BRWD3: variants seen among roughly 807,000 people sequenced by gnomAD.
BRWD3 encodes bromodomain and WD repeat-containing protein 3.
BRWD3 carries 10 observed loss-of-function variants against 149.7 expected under a neutral mutation model. The ratio of observed to expected loss-of-function variants is 0.07; its 90% CI spans 0.04 to 0.11. The LOEUF is 0.11. Among genes scored for constraint, BRWD3 ranks in the 10% least tolerant of loss-of-function variants. The pLI is 1.00. For synonymous variants in BRWD3, 504 were observed against 456.7 expected (o/e 1.10, Z -1.32); for missense variants, 940 against 1,373.2 (o/e 0.68, Z 4.99).
At chrX:80,756,986 T>TAC (rs2073748248) in intron 6 of BRWD3, among the ~76,000 whole-genome samples, 1 of 111,703 alleles carries the variant, frequency 9.0e-6, no homozygotes, top group Admixed American at 9.5e-5. Context: ...ACTTCCCCTG[T>TAC]AAGTAGAATG....
rs187564437 is a variant in BRWD3 at position 80,746,246 on chromosome X, T to C, written c.431-517A>G. On this transcript the variant is annotated intron_variant, in intron 6 of 40. Transcript: ENST00000373275. ...AGTGAAAAGATAAGGAAATCTATGA[T>C]GTTACAAATATTTTATGTTACAAAC... Among the ~76,000 whole-genome samples, 6 of 110,726 alleles carry C rather than the reference T, an allele frequency of 5.4e-5. No individual in the cohort carries two copies. The East Asian group carries it at 1.4e-3, about 26-fold the overall frequency.
At position 80,692,840 on chromosome X, in the gene BRWD3, A is replaced by G. The variant is rs1460175541; in HGVS notation, c.3263+100T>C. The stretch of plus-strand genomic sequence containing the variant: ...ACAGGTACAGGTATTGTGAGACTAG[A>G]TAAGTCAGATAAAAGGGCATTACTC... On this transcript the variant is annotated intron_variant, in intron 28 of 40. Coordinates refer to ENST00000373275, the MANE Select transcript of BRWD3 (RefSeq NM_153252.5). 20 of 642,853 alleles carry G rather than the reference A, an allele frequency of 3.1e-5. No homozygotes were observed. The Admixed American group carries it at 3.5e-4, about 11-fold the overall frequency. The allele number at this position is 642,853 out of a possible 1,213,427, so 53.0% of individuals were successfully genotyped here. A position where few individuals can be genotyped will look rare whatever the true frequency, so the allele number is the denominator to read the frequency against.
At chrX:80,786,516 CTA>C (rs774404451) in intron 6 of BRWD3, among the ~76,000 whole-genome samples, 8,909 of 104,380 alleles carry the variant, frequency 0.085, 360 homozygotes, top group South Asian at 0.18. Context: ...TTTAATTTGC[CTA>C]TATATATATA....
chrX:80,676,342 T>C lies in BRWD3; in HGVS notation c.*267A>G, dbSNP rs1006682746. ...GTCTGTGTTGTGTTTCGTGTGTGTG[T>C]GTCTGTGTGTGTGTATGTGTGTGTA... On this transcript the variant is annotated 3_prime_UTR_variant, in exon 41 of 41. Transcript: ENST00000373275. 1.1e-5 allele frequency: 4 copies of C among 355,726 alleles called. No individual in the cohort carries two copies. The highest frequency in any genetic ancestry group is 1.5e-5 in the Non-Finnish European group (3 of 202,766). 29.3% of individuals were successfully genotyped at this position (355,726 alleles called of 1,213,427 possible).
Position 80,719,524 on chromosome X carries a change from T to C in BRWD3, c.2009A>G (p.His670Arg), listed in dbSNP as rs1382439046. ...LRLINEGDVP[H>R]LPVNRAYSVN... ...AGAGTATGCTCTATTAACTGGTAAA[T>C]GTGGAACATCTCCTTCATTAATTAG... Residue 670 changes from histidine (H) to arginine (R), a missense_variant, in exon 18 of 41, where the codon CAT (histidine) becomes CGT (arginine). Transcript: ENST00000373275. The C allele has an allele frequency of 8.3e-7, 1 of 1,207,585 alleles. No individual in the cohort carries two copies. Among genetic ancestry groups the C allele is most frequent in the African/African-American group, 1.8e-5 (1 of 57,046 alleles).
At chrX:80,793,546 C>T (rs1242888441) in intron 5 of BRWD3, 76 bp downstream of exon 5, 2 of 1,027,146 alleles carry the variant, frequency 1.9e-6, no homozygotes, top group Non-Finnish European at 2.7e-6. Context: ...AGCATGGGAA[C>T]ATTTACTCAA....
intron 8 of BRWD3, among the ~76,000 whole-genome samples, chrX:80,741,159 G>A (rs988593851): frequency 9.1e-6 from 1 of 110,380 alleles, no homozygotes; most frequent in African/African-American, 3.3e-5. Context: ...AACATGCGGT[G>A]TTCGGTTTTT....
intron 8 of BRWD3, among the ~76,000 whole-genome samples, chrX:80,738,890 C>T (rs1008060164): frequency 1.1e-4 from 12 of 111,650 alleles, no homozygotes; most frequent in African/African-American, 3.9e-4. Flanking sequence ...GATTGAAGAG[C>T]GCCAAGGAGG....
At position 80,744,074 on chromosome X, in the gene BRWD3, A is replaced by G. The variant is rs2073557880; in HGVS notation, c.771T>C (p.Val257=). The G allele has an allele frequency of 1.7e-6, 2 of 1,209,736 alleles. No individual in the cohort carries two copies. The part of the protein sequence containing the change: ...RVWCLRTCAP[V]AVLQGHSASI... ...AAGCTGAATGGCCCTGAAGGACTGC[A>G]ACGGGTGCACAAGTTCGAAGACACC... The change falls in exon 8 of 41, where the codon GTT becomes GTC. Residue 257 remains valine, a synonymous_variant. Transcript: ENST00000373275.
chrX:80,768,048 T>C (rs924998399), intron 6 of BRWD3, among the ~76,000 whole-genome samples: 5 of 110,947 alleles, frequency 4.5e-5, no homozygotes, highest in Non-Finnish European at 9.5e-5. Context: ...TAAAAAGAAA[T>C]GAACAAAGAC....
chrX:80,691,107 G>A lies in BRWD3; in HGVS notation c.3548C>T (p.Ala1183Val). 1 of 1,208,266 alleles carries A rather than the reference G, an allele frequency of 8.3e-7. No homozygotes were observed. Among genetic ancestry groups the A allele is most frequent in the Non-Finnish European group, 1.1e-6 (1 of 892,858 alleles). ...SAYPLYCTVV[A>V]YPTDLNTIRR... is the part of the protein sequence containing the mutation. ...GATGGTATTGAGGTCAGTTGGATAA[G>A]CAACTACAGTACAATACAAGGGGTA... Residue 1183 changes from alanine (A) to valine (V), a missense_variant, in exon 31 of 41, where the codon GCT becomes GTT. Coordinates refer to ENST00000373275, the MANE Select transcript of BRWD3 (RefSeq NM_153252.5).
chrX:80,769,229 G>A (rs765143959), intron 6 of BRWD3, among the ~76,000 whole-genome samples: 44 of 111,437 alleles, frequency 3.9e-4, no homozygotes, highest in Non-Finnish European at 7.2e-4. Flanking sequence ...ACTCAGCTCT[G>A]CAACAAGCAG....
chrX:80,792,887 G>A (rs375089932), intron 5 of BRWD3, among the ~76,000 whole-genome samples: 2 of 110,315 alleles, frequency 1.8e-5, no homozygotes, highest in Non-Finnish European at 3.8e-5. Context: ...ACTGAGGCCC[G>A]GCGCAGTGGT....
Position 80,675,523 on chromosome X carries a change from T to C in BRWD3, c.*1086A>G, listed in dbSNP as rs1478701999. 8.9e-6 allele frequency: 1 copy of C among 112,185 alleles called. No individual in the cohort carries two copies. Among genetic ancestry groups the C allele is most frequent in the Non-Finnish European group, 1.9e-5 (1 of 53,146 alleles). 9.2% of individuals were successfully genotyped at this position (112,185 alleles called of 1,213,427 possible). On this transcript the variant is annotated 3_prime_UTR_variant, in exon 41 of 41. Transcript: ENST00000373275. The stretch of plus-strand genomic sequence containing the variant: ...AGAGCATACTATATTTATGAAACTT[T>C]GTTAATTACAATTATTAATTTGAGA...
At chrX:80,714,053 G>C (rs1003460593) in intron 20 of BRWD3, among the ~76,000 whole-genome samples, 5 of 111,040 alleles carry the variant, frequency 4.5e-5, no homozygotes, top group African/African-American at 1.6e-4. Flanking sequence ...GTCTCTTGTG[G>C]GGGAAAACCT....
At chrX:80,734,397 T>A (rs780634783) in intron 10 of BRWD3, among the ~76,000 whole-genome samples, 179 bp from the exon 11 acceptor site, 1 of 111,952 alleles carries the variant, frequency 8.9e-6, no homozygotes, top group South Asian at 3.7e-4. Flanking sequence ...GTATCATTCA[T>A]CCAACAAAAT....
At chrX:80,680,969 CTTTTTTTTTTTT>C (rs904634410) in intron 40 of BRWD3, among the ~76,000 whole-genome samples, 1 of 74,752 alleles carries the variant, frequency 1.3e-5, no homozygotes, top group East Asian at 4.5e-4. Flanking sequence ...CATGTGGCTA[CTTTTTTTTTTTT>C]TTTTTTTTTG....
At chrX:80,767,436 C>A (rs903509381) in intron 6 of BRWD3, among the ~76,000 whole-genome samples, 4 of 111,401 alleles carry the variant, frequency 3.6e-5, no homozygotes, top group Admixed American at 9.5e-5. Flanking sequence ...GGACCTCCAG[C>A]AAACACCAAC....
At position 80,716,260 on chromosome X, in the gene BRWD3, AGTCAAAG is replaced by A; in HGVS notation, c.2232-17_2232-11del. On this transcript the variant is annotated splice_polypyrimidine_tract_variant and intron_variant, in intron 19 of 40. Coordinates refer to ENST00000373275, the MANE Select transcript of BRWD3 (RefSeq NM_153252.5). Reference sequence around the variant, plus strand: ...ACATTCTTCCTGTACCCTAATAACAAGTCAAAGGTCAAAGTAACAGAAAATCAAGAAG... The same window carrying A: ...ACATTCTTCCTGTACCCTAATAACAAGTCAAAGTAACAGAAAATCAAGAAG... 8.7e-7 allele frequency: 1 copy of A among 1,151,745 alleles called. No homozygotes were observed. Among genetic ancestry groups the A allele is most frequent in the Non-Finnish European group, 1.2e-6 (1 of 841,052 alleles). The allele number at this position is 1,151,745 out of a possible 1,213,427, so 94.9% of individuals were successfully genotyped here.
Sources: gnomAD v4.1 joint callset for allele counts (sites outside exome capture counted in the v4.1 genomes callset) on GRCh38, gnomAD v4.1.1 for gene constraint, MANE v1.5 for transcripts, NCBI Gene and HGNC (gene_info 2026-07-23, HGNC 2026-07-21) for gene names.